The following ALPK2 variants were observed in gnomAD, a reference collection of about 807,000 sequenced individuals.
ALPK2 encodes alpha-protein kinase 2.
Under a neutral mutation model 163.1 loss-of-function variants are expected in ALPK2, and 127 were observed. The ratio of observed to expected loss-of-function variants is 0.78; its 90% CI spans 0.67 to 0.90. The LOEUF is 0.90. Ranked by LOEUF, ALPK2 falls within the 40% of genes least tolerant of loss-of-function variation. The pLI, the probability that ALPK2 is intolerant of heterozygous loss-of-function variation, is 0.00. For synonymous variants in ALPK2, 953 were observed against 959.1 expected (o/e 0.99, Z 0.12); for missense variants, 2,360 against 2,589.6 (o/e 0.91, Z 1.92).
intron 8 of ALPK2, among the ~76,000 whole-genome samples, 195 bp downstream of exon 8, chr18:58,523,611 C>A (rs1429580592): frequency 6.6e-6 from 1 of 152,164 alleles, no homozygotes; most frequent in Non-Finnish European, 1.5e-5. Flanking sequence ...GCCATTCTAA[C>A]TGGTGTGAGA....
chr18:58,620,878 C>T (rs1022984523), intron 1 of ALPK2, among the ~76,000 whole-genome samples: 3 of 152,046 alleles, frequency 2.0e-5, no homozygotes, highest in Admixed American at 1.3e-4. Context: ...GAGACAGGCC[C>T]GGCACGGTGG....
Position 58,536,461 on chromosome 18 carries a change from CTCTAGAGTTATAA to C in ALPK2, c.3713_3725del (p.Ile1238ArgfsTer13). 6.2e-7 allele frequency: 1 copy of C among 1,614,064 alleles called. No individual in the cohort carries two copies. ...GTGGCCAGATTTCAGAAGCGGAAGC[CTCTAGAGTTATAA>C]TCTTCAGCTTGTTGCCTGCCTCCCA... On this transcript the variant is annotated frameshift_variant, in exon 5 of 13. Transcript: ENST00000361673.
chr18:58,503,913 C>G lies in ALPK2; in HGVS notation c.6247+18G>C. 1 of 1,605,084 alleles carries G rather than the reference C, an allele frequency of 6.2e-7. No homozygotes were observed. The highest frequency in any genetic ancestry group is 8.5e-7 in the Non-Finnish European group (1 of 1,174,846). On this transcript the variant is annotated intron_variant, in intron 11 of 12. Coordinates refer to ENST00000361673, the MANE Select transcript of ALPK2 (RefSeq NM_052947.4). ...GCCCACAGCATCCCTGGAGCCTGGGCTAAGCTGCTTTCCTCACCTTGCATG... is the reference window on the plus strand; with the variant it reads ...GCCCACAGCATCCCTGGAGCCTGGGGTAAGCTGCTTTCCTCACCTTGCATG...
intron 10 of ALPK2, among the ~76,000 whole-genome samples, chr18:58,514,439 G>T (rs2051510467): frequency 6.6e-6 from 1 of 152,114 alleles, no homozygotes; most frequent in African/African-American, 2.4e-5. Context: ...CAAGCTCCAG[G>T]CTCCCCAAAA....
chr18:58,483,515 A>G (rs57485303), intron 12 of ALPK2, among the ~76,000 whole-genome samples: 20,159 of 148,646 alleles, frequency 0.14, 1,518 homozygotes, highest in Middle Eastern at 0.24. Flanking sequence ...CTTTTTCTAG[A>G]TAAGTCCTAC....
At chr18:58,545,938 G>A (rs1463595045) in intron 4 of ALPK2, among the ~76,000 whole-genome samples, 1 of 152,106 alleles carries the variant, frequency 6.6e-6, no homozygotes, top group Admixed American at 6.5e-5. Context: ...GCGTCATTCG[G>A]CCATTTGTCA....
At chr18:58,558,200 G>C (rs1396945026) in intron 4 of ALPK2, among the ~76,000 whole-genome samples, 3 of 152,166 alleles carry the variant, frequency 2.0e-5, no homozygotes, top group Admixed American at 6.5e-5. Context: ...TTAATTTCAT[G>C]AACTCTAAAT....
At chr18:58,557,819 G>C (rs1265001805) in intron 4 of ALPK2, among the ~76,000 whole-genome samples, 1 of 152,030 alleles carries the variant, frequency 6.6e-6, no homozygotes, top group Non-Finnish European at 1.5e-5. Flanking sequence ...ATAGAGCTGA[G>C]TACATGCAGT....
chr18:58,483,147 A>G (rs1009498126), intron 12 of ALPK2, among the ~76,000 whole-genome samples: 5 of 152,186 alleles, frequency 3.3e-5, no homozygotes, highest in African/African-American at 9.7e-5. Flanking sequence ...GTCACCGCAG[A>G]TGAGCTCCTT....
At chr18:58,565,004 T>TTA (rs987574961) in intron 4 of ALPK2, among the ~76,000 whole-genome samples, 9 of 152,234 alleles carry the variant, frequency 5.9e-5, no homozygotes, top group African/African-American at 2.2e-4. Flanking sequence ...TTTTATGTGT[T>TTA]TATATATGTA....
chr18:58,556,767 G>T (rs1278700755), intron 4 of ALPK2, among the ~76,000 whole-genome samples: 1 of 152,196 alleles, frequency 6.6e-6, no homozygotes, highest in Non-Finnish European at 1.5e-5. Context: ...TAGAGCCCCT[G>T]AGGGCTGGGC....
rs759739737 is a variant in ALPK2, at chr18:58,537,357, G to A, written c.2830C>T (p.Gln944Ter). Residue 944 changes from glutamine to a stop codon, truncating the protein, a stop_gained, in exon 5 of 13, where the codon CAG becomes TAG. Transcript: ENST00000361673. LOFTEE classifies it high-confidence loss of function. ...PSNSGGLDETQLLSSENNPLV... is the reference protein window; with the variant it reads ...PSNSGGLDET ...GGATTGTTCTCAGAAGAAAGGAGCT[G>A]TGTTTCATCAAGCCCTCCTGAGTTG... 6.2e-7 allele frequency: 1 copy of A among 1,614,058 alleles called. No homozygotes were observed. The highest frequency in any genetic ancestry group is 1.7e-5 in the Admixed American group (1 of 60,012).
chr18:58,602,245 G>T (rs1233518008), intron 3 of ALPK2, among the ~76,000 whole-genome samples: 1 of 152,170 alleles, frequency 6.6e-6, no homozygotes, highest in African/African-American at 2.4e-5. Context: ...AACCTGGCCA[G>T]TGCTTATGTC....
In ALPK2 at chr18:58,565,774, T is replaced by C. The variant is rs62096286; in HGVS notation, c.1962+13040A>G. On this transcript the variant is annotated intron_variant, in intron 4 of 12. Transcript: ENST00000361673. Reference sequence around the variant, plus strand: ...TCCTTCCTTCCTTCCTTCCTTCCTTTCTTTCTTTCTTTCTTCCTTTCTTCC... The same window carrying C: ...TCCTTCCTTCCTTCCTTCCTTCCTTCCTTTCTTTCTTTCTTCCTTTCTTCC... 7.7e-3 allele frequency among the ~76,000 whole-genome samples: 872 copies of C among 113,536 alleles called. 4 individuals carry two copies. Among genetic ancestry groups the C allele is most frequent in the African/African-American group, 0.024 (738 of 31,356 alleles). The allele number at this position is 113,536 out of a possible 152,430, so 74.5% of individuals were successfully genotyped here.
chr18:58,508,108 C>G (rs920605595), intron 10 of ALPK2, among the ~76,000 whole-genome samples: 2 of 152,096 alleles, frequency 1.3e-5, no homozygotes, highest in Non-Finnish European at 2.9e-5. Context: ...TGGCCTTCAC[C>G]CAGGAACAGA....
chr18:58,570,430 G>A (rs909444613), intron 4 of ALPK2, among the ~76,000 whole-genome samples: 1 of 152,210 alleles, frequency 6.6e-6, no homozygotes, highest in African/African-American at 2.4e-5. Flanking sequence ...TACTCTGCCT[G>A]TACCACCTGC....
chr18:58,573,881 A>G (rs2144191559), intron 4 of ALPK2, among the ~76,000 whole-genome samples: 1 of 152,174 alleles, frequency 6.6e-6, no homozygotes, highest in South Asian at 2.1e-4. Flanking sequence ...TTGAAGCAGC[A>G]GGTAGGCTGA....
chr18:58,503,490 G>A (rs952512770), intron 11 of ALPK2, among the ~76,000 whole-genome samples: 1 of 152,106 alleles, frequency 6.6e-6, no homozygotes, highest in Non-Finnish European at 1.5e-5. Context: ...CCAGTAGTTC[G>A]AGACCAGCCT....
At chr18:58,570,703 G>C (rs1025632231) in intron 4 of ALPK2, among the ~76,000 whole-genome samples, 1 of 152,188 alleles carries the variant, frequency 6.6e-6, no homozygotes, top group Non-Finnish European at 1.5e-5. Flanking sequence ...GTTTAAATCA[G>C]TCAATCCTCA....
Sources: allele counts gnomAD v4.1 joint callset (sites outside exome capture counted in the v4.1 genomes callset), GRCh38; gene constraint gnomAD v4.1.1; transcripts MANE v1.5; gene names NCBI Gene and HGNC (gene_info 2026-07-23, HGNC 2026-07-21).